Variants in AFG1L observed in about 807,000 individuals in gnomAD.
The protein encoded by AFG1L is AFG1 like ATPase.
Under a neutral mutation model 62.2 loss-of-function variants are expected in AFG1L, and 53 were observed. That is an observed-to-expected ratio of 0.85 (90% confidence interval 0.68 to 1.07). AFG1L has a LOEUF of 1.07. Ranked by LOEUF, AFG1L falls within the 50% of genes least tolerant of loss-of-function variation. The probability of loss-of-function intolerance (pLI) is 0.00; values close to 1 mark genes in which losing one functional copy is unlikely to be tolerated. For missense variants in AFG1L, 555 were observed against 590.5 expected (o/e 0.94, Z 0.62); for synonymous variants, 228 against 210.3 (o/e 1.08, Z -0.73).
chr6:108,301,982 G>C (rs1443499876), intron 1 of AFG1L, among the ~76,000 whole-genome samples: 1 of 147,310 alleles, frequency 6.8e-6, no homozygotes, highest in East Asian at 2.0e-4. Flanking sequence ...ATCTCGTTCT[G>C]TTGCCCAGGC....
chr6:108,466,189 T>C (rs1772658905), intron 8 of AFG1L, among the ~76,000 whole-genome samples: 1 of 152,218 alleles, frequency 6.6e-6, no homozygotes. Flanking sequence ...ATGGAACTCT[T>C]TTTTGTATCA....
intron 7 of AFG1L, among the ~76,000 whole-genome samples, chr6:108,417,133 C>G (rs1770334139): frequency 1.3e-5 from 2 of 151,616 alleles, no homozygotes; most frequent in African/African-American, 4.8e-5. Flanking sequence ...ACTTAGGAAG[C>G]TGAGGTGGGA....
At chr6:108,303,245 CTA>C (rs1194407908) in intron 1 of AFG1L, among the ~76,000 whole-genome samples, 1 of 152,124 alleles carries the variant, frequency 6.6e-6, no homozygotes, top group African/African-American at 2.4e-5. Context: ...CACAGTCTCA[CTA>C]TATTGCTTTC....
chr6:108,307,003 T>C (rs1777222806), intron 1 of AFG1L, among the ~76,000 whole-genome samples: 1 of 152,140 alleles, frequency 6.6e-6, no homozygotes, highest in African/African-American at 2.4e-5. Context: ...TAAATTACTT[T>C]TTTTTTCTTT....
intron 8 of AFG1L, among the ~76,000 whole-genome samples, chr6:108,447,768 C>A (rs938656260): frequency 1.3e-5 from 2 of 151,914 alleles, no homozygotes; most frequent in East Asian, 1.9e-4. Flanking sequence ...ATATTTTTGT[C>A]TTTTAAAAGC....
At chr6:108,337,498 C>G (rs779912183) in intron 2 of AFG1L, among the ~76,000 whole-genome samples, 16 of 152,144 alleles carry the variant, frequency 1.1e-4, no homozygotes, top group Non-Finnish European at 2.1e-4. Context: ...ATTATTGTAT[C>G]CTCAGCACAT....
chr6:108,422,465 A>G (rs1770632439), intron 7 of AFG1L, among the ~76,000 whole-genome samples: 1 of 145,994 alleles, frequency 6.8e-6, no homozygotes, highest in Non-Finnish European at 1.5e-5. Context: ...TTTTTTTAAA[A>G]TTAGTCCTCA....
intron 6 of AFG1L, among the ~76,000 whole-genome samples, chr6:108,400,673 A>T (rs1396565186): frequency 9.7e-6 from 1 of 102,888 alleles, no homozygotes; most frequent in African/African-American, 3.8e-5. Context: ...TAATTTATAT[A>T]TTATATATTA....
At chr6:108,401,868 G>T (rs1283947323) in intron 6 of AFG1L, 128 bp from the exon 7 acceptor site, 1 of 521,386 alleles carries the variant, frequency 1.9e-6, no homozygotes, top group Non-Finnish European at 3.4e-6. Context: ...ATCAATTTTG[G>T]TCTTTTTTTC....
intron 8 of AFG1L, among the ~76,000 whole-genome samples, chr6:108,460,646 A>G (rs1036007198): frequency 7.2e-5 from 11 of 152,030 alleles, no homozygotes; most frequent in African/African-American, 2.4e-4. Context: ...TGCCAAGGCT[A>G]GTCTCAAACT....
At chr6:108,399,643 T>C (rs1163253824) in intron 6 of AFG1L, among the ~76,000 whole-genome samples, 2 of 151,498 alleles carry the variant, frequency 1.3e-5, no homozygotes, top group African/African-American at 2.4e-5. Flanking sequence ...GCAACTTTAC[T>C]GAATTTGTTT....
intron 10 of AFG1L, among the ~76,000 whole-genome samples, chr6:108,491,096 C>A (rs1388287303): frequency 1.3e-5 from 2 of 152,084 alleles, no homozygotes; most frequent in Non-Finnish European, 2.9e-5. Context: ...TGTACAGATA[C>A]ACACACACAA....
At chr6:108,411,746 C>A (rs763726547) in intron 7 of AFG1L, among the ~76,000 whole-genome samples, 2 of 152,134 alleles carry the variant, frequency 1.3e-5, no homozygotes, top group Admixed American at 1.3e-4. Context: ...ACACCAAAAC[C>A]CCATCTGTAT....
At chr6:108,297,309 T>G (rs1057278998) in intron 1 of AFG1L, among the ~76,000 whole-genome samples, 6 of 152,088 alleles carry the variant, frequency 3.9e-5, no homozygotes, top group Non-Finnish European at 7.4e-5. Flanking sequence ...GGTTTCACCA[T>G]GTTGGGCAGG....
Position 108,434,288 on chromosome 6 carries a change from A to AT in AFG1L, c.808-12925dup, listed in dbSNP as rs552926037. Among the ~76,000 whole-genome samples, 26 of 152,288 alleles carry AT rather than the reference A, an allele frequency of 1.7e-4. No individual in the cohort carries two copies. In the South Asian group the frequency reaches 5.4e-3, roughly 32 times the overall value. On this transcript the variant is annotated intron_variant, in intron 7 of 12. Transcript: ENST00000368977. ...TCCAACTCCTAGAGTGCCAAGCCTA[A>AT]TATCTAGGCTGGACATCTGCACCTA... is the stretch of plus-strand genomic sequence containing the variant.
chr6:108,361,548 A>G (rs1779529892), intron 5 of AFG1L, among the ~76,000 whole-genome samples: 1 of 152,170 alleles, frequency 6.6e-6, no homozygotes, highest in Non-Finnish European at 1.5e-5. Flanking sequence ...AAAAGCCTGA[A>G]TGGTTCATTT....
At chr6:108,383,017 C>T (rs377224662) in intron 6 of AFG1L, among the ~76,000 whole-genome samples, 3 of 152,184 alleles carry the variant, frequency 2.0e-5, no homozygotes, top group East Asian at 1.9e-4. Flanking sequence ...GTGGGTGGAT[C>T]ACTTGAGGCC....
At chr6:108,485,658 T>TATATATATATA (rs1562190010) in intron 10 of AFG1L, among the ~76,000 whole-genome samples, 8 of 13,130 alleles carry the variant, frequency 6.1e-4, no homozygotes, top group Non-Finnish European at 9.8e-4. Flanking sequence ...ATATATATAT[T>TATATATATATA]TTTTTTTTTT....
intron 7 of AFG1L, among the ~76,000 whole-genome samples, chr6:108,411,622 G>A (rs1233008612): frequency 6.6e-6 from 1 of 152,222 alleles, no homozygotes; most frequent in East Asian, 1.9e-4. Flanking sequence ...TGCAGCCTCT[G>A]CTGCTGATAC....
Sources: allele counts gnomAD v4.1 joint callset (sites outside exome capture counted in the v4.1 genomes callset), GRCh38; gene constraint gnomAD v4.1.1; transcripts MANE v1.5; gene names NCBI Gene and HGNC (gene_info 2026-07-23, HGNC 2026-07-21).